Variants in ZNF483 observed in about 807,000 individuals in gnomAD.
ZNF483 encodes zinc finger protein HIT-10.
Under a neutral mutation model 28.6 loss-of-function variants are expected in ZNF483, and 9 were observed. The observed-to-expected ratio is 0.32, with a 90% CI of 0.19 to 0.55. The LOEUF (loss-of-function observed/expected upper bound fraction) is 0.55, where lower values mean the gene tolerates loss of function less well. Ranked by LOEUF, ZNF483 falls within the 20% of genes least tolerant of loss-of-function variation. The probability of loss-of-function intolerance (pLI) is 0.93; values close to 1 mark genes in which losing one functional copy is unlikely to be tolerated. For missense variants in ZNF483, 675 were observed against 871.7 expected, an observed-to-expected ratio of 0.77 and a Z score of 2.84; for synonymous variants, 322 against 306.2, an observed-to-expected ratio of 1.05 and a Z score of -0.54.
chr9:111,541,133 A>T (rs951317601), intron 5 of ZNF483, among the ~76,000 whole-genome samples: 1 of 134,408 alleles, frequency 7.4e-6, no homozygotes. Context: ...TCTGTTGCCT[A>T]GGCTGGAGTG....
rs753416293 is a variant in ZNF483, at chr9:111,542,242, A to G, written c.1307A>G (p.Glu436Gly). The G allele has an allele frequency of 6.2e-7, 1 of 1,614,182 alleles. No homozygotes were observed. Among genetic ancestry groups the G allele is most frequent in the South Asian group, 1.1e-5 (1 of 91,084 alleles). The change falls in exon 6 of 6, where the codon GAA (glutamate) becomes GGA (glycine). Residue 436 changes from glutamate to glycine, a missense_variant. By Grantham distance (98) the Glu-to-Gly change is moderately conservative (BLOSUM62 -2). Coordinates refer to ENST00000309235, the MANE Select transcript of ZNF483 (RefSeq NM_133464.5). This position sits in a 1 kb window ranked among gnomAD's most constrained non-coding sequence, Gnocchi z 6.2. ...AAAGATGAGGGAAATGAGAGTGGAG[A>G]AAAAACTCATAAATGTAGTAAGTGT... ...LNKDEGNESG[E>G]KTHKCSKCGK...
Position 111,544,705 on chromosome 9 carries a change from TAA to T in ZNF483, c.*1536_*1537del, listed in dbSNP as rs1370058913. ...AATTGATACAGAAAAAATTTTCAGT[TAA>T]GTTTTCTTTTGTGAAATTAGACCTC... On this transcript the variant is annotated 3_prime_UTR_variant, in exon 6 of 6. Transcript: ENST00000309235. Among the ~76,000 whole-genome samples the T allele has an allele frequency of 6.6e-6, 1 of 152,166 alleles. No individual in the cohort carries two copies. Among genetic ancestry groups the T allele is most frequent in the Non-Finnish European group, 1.5e-5 (1 of 68,008 alleles).
intron 5 of ZNF483, among the ~76,000 whole-genome samples, chr9:111,541,165 C>G (rs1827661623): frequency 6.6e-6 from 1 of 151,210 alleles, no homozygotes; most frequent in Non-Finnish European, 1.5e-5. Context: ...TCTCGGCTCC[C>G]TGTAACCTCC....
rs2132277055 is a variant in ZNF483 at position 111,550,266 on chromosome 9, C to T, written c.*7096C>T. On this transcript the variant is annotated 3_prime_UTR_variant, in exon 6 of 6. Coordinates refer to ENST00000309235, the MANE Select transcript of ZNF483 (RefSeq NM_133464.5). ...GAAAAACAGGTTTCATCCCTTTTTT[C>T]TCCTGGAAGCCACTTTAGCCAGTTG... Among the ~76,000 whole-genome samples, 1 of 152,026 alleles carries T rather than the reference C, an allele frequency of 6.6e-6. No homozygotes were observed. Among genetic ancestry groups the T allele is most frequent in the Non-Finnish European group, 1.5e-5 (1 of 67,948 alleles).
chr9:111,569,025 G>A (rs930698924), intron 5 of ZNF483, among the ~76,000 whole-genome samples: 5 of 152,224 alleles, frequency 3.3e-5, no homozygotes, highest in Admixed American at 6.5e-5. Context: ...GTATAGAATT[G>A]TTATAACTGA....
rs11999279 is a variant in ZNF483, at chr9:111,544,700, T to C, written c.*1530T>C. Among the ~76,000 whole-genome samples, 1,272 of 152,296 alleles carry C rather than the reference T, an allele frequency of 8.4e-3. 17 individuals carry two copies. The highest frequency in any genetic ancestry group is 0.028 in the African/African-American group (1,171 of 41,564). On this transcript the variant is annotated 3_prime_UTR_variant, in exon 6 of 6. Coordinates refer to ENST00000309235, the MANE Select transcript of ZNF483 (RefSeq NM_133464.5). ...TGTAGAATTGATACAGAAAAAATTT[T>C]CAGTTAAGTTTTCTTTTGTGAAATT...
At chr9:111,566,375 T>C (rs1169501324) in intron 5 of ZNF483, among the ~76,000 whole-genome samples, 1 of 152,188 alleles carries the variant, frequency 6.6e-6, no homozygotes, top group Non-Finnish European at 1.5e-5. Flanking sequence ...AGCTCCCTGG[T>C]GACAGCCCAG....
Position 111,541,688 on chromosome 9 carries a change from G to A in ZNF483, c.753G>A (p.Arg251=), listed in dbSNP as rs756197063. 1 of 1,609,234 alleles carries A rather than the reference G, an allele frequency of 6.2e-7. No individual in the cohort carries two copies. Among genetic ancestry groups the A allele is most frequent in the Non-Finnish European group, 8.5e-7 (1 of 1,178,758 alleles). Residue 251 remains arginine, a synonymous_variant, in exon 6 of 6, where the codon AGG becomes AGA. Coordinates refer to ENST00000309235, the MANE Select transcript of ZNF483 (RefSeq NM_133464.5). ...DESALDKIIE[R]CLRDDDHGLM... is the part of the protein sequence containing the mutation. ...CAGCTTTAGATAAAATAATAGAAAGGTGCCTCAGGGATGATGATCATGGCT... is the reference window on the plus strand; with the variant it reads ...CAGCTTTAGATAAAATAATAGAAAGATGCCTCAGGGATGATGATCATGGCT...
chr9:111,555,970 C>A (rs1448083848), downstream of ZNF483, among the ~76,000 whole-genome samples: 2 of 152,202 alleles, frequency 1.3e-5, no homozygotes, highest in Non-Finnish European at 2.9e-5. Context: ...AAGTCCAAGT[C>A]CAAAGTCTCT....
chr9:111,532,601 T>C (rs1442163746), intron 3 of ZNF483, among the ~76,000 whole-genome samples: 1 of 152,154 alleles, frequency 6.6e-6, no homozygotes, highest in African/African-American at 2.4e-5. Context: ...ACTTCTGGCC[T>C]CCAGAACTGT....
At chr9:111,526,047 C>T (rs963356726) in intron 1 of ZNF483, among the ~76,000 whole-genome samples, 1 of 152,104 alleles carries the variant, frequency 6.6e-6, no homozygotes, top group African/African-American at 2.4e-5. Flanking sequence ...CGTTCCAGCT[C>T]ATTGTAGTTG....
chr9:111,535,879 C>A (rs1018195823), intron 5 of ZNF483, among the ~76,000 whole-genome samples: 5 of 144,554 alleles, frequency 3.5e-5, no homozygotes, highest in Admixed American at 2.8e-4. Flanking sequence ...CTATATCTTA[C>A]AATTTATATA....
chr9:111,564,089 CCTA>C, intron 5 of ZNF483: 1 of 206,488 alleles, frequency 4.8e-6, no homozygotes, highest in Non-Finnish European at 9.7e-6. Flanking sequence ...CAAGGCACAG[CCTA>C]CTAATGGGAA....
chr9:111,530,409 G>A (rs1018803851), intron 2 of ZNF483, among the ~76,000 whole-genome samples: 6 of 152,050 alleles, frequency 3.9e-5, no homozygotes, highest in East Asian at 1.9e-4. Flanking sequence ...AAAGTGTTAC[G>A]TGAGCCACTC....
Position 111,542,377 on chromosome 9 carries a change from C to T in ZNF483, c.1442C>T (p.Ser481Leu), listed in dbSNP as rs149958964. The T allele has an allele frequency of 4.6e-5, 74 of 1,613,822 alleles. No individual in the cohort carries two copies. The African/African-American group carries it at 6.4e-4, about 14-fold the overall frequency. ...GGAAAAGCTTTTAGTGATAGTTCAT[C>T]GCTCACACCACATCATAGAACTCAT... ...ECGKAFSDSS[S>L]LTPHHRTHSG... The change falls in exon 6 of 6, where the codon TCG becomes TTG. Residue 481 changes from serine to leucine, a missense_variant. Ser to Leu is a moderately radical substitution (Grantham distance 145). Coordinates refer to ENST00000309235, the MANE Select transcript of ZNF483 (RefSeq NM_133464.5). This position sits in a 1 kb window ranked among gnomAD's most constrained non-coding sequence, Gnocchi z 6.2.
At position 111,545,269 on chromosome 9, in the gene ZNF483, T is replaced by C. The variant is rs1472880023; in HGVS notation, c.*2099T>C. Reference sequence around the variant, plus strand: ...GTTGTAAGTTTTGTTTTCTGAAAAATATAATTTATAGAAAGTTGAAGAAAT... The same window carrying C: ...GTTGTAAGTTTTGTTTTCTGAAAAACATAATTTATAGAAAGTTGAAGAAAT... On this transcript the variant is annotated 3_prime_UTR_variant, in exon 6 of 6. Coordinates refer to ENST00000309235, the MANE Select transcript of ZNF483 (RefSeq NM_133464.5). Among the ~76,000 whole-genome samples, 2 of 152,174 alleles carry C rather than the reference T, an allele frequency of 1.3e-5. No individual in the cohort carries two copies. The highest frequency in any genetic ancestry group is 4.8e-5 in the African/African-American group (2 of 41,444).
intron 5 of ZNF483, among the ~76,000 whole-genome samples, chr9:111,538,245 C>T (rs572340081): frequency 3.3e-5 from 5 of 151,290 alleles, no homozygotes; most frequent in South Asian, 2.1e-4. Context: ...CTGGGCATGG[C>T]GGCTCCCACC....
intron 1 of ZNF483, 47 bp from the exon 2 acceptor site, chr9:111,527,221 C>A: frequency 1.7e-6 from 1 of 603,602 alleles, no homozygotes; most frequent in Non-Finnish European, 2.7e-6. Flanking sequence ...TTAGGACTAA[C>A]AACAGTTTTT....
At chr9:111,574,635 CT>C in intron 5 of ZNF483, 1 of 685,060 alleles carries the variant, frequency 1.5e-6, no homozygotes, top group South Asian at 2.4e-5. Flanking sequence ...ATATGAAAAT[CT>C]TTCTAATAAT....
Sources: gnomAD v4.1 joint callset for allele counts (sites outside exome capture counted in the v4.1 genomes callset) on GRCh38, gnomAD v4.1.1 for gene constraint, Gnocchi (gnomAD v3.1) non-coding constraint, MANE v1.5 for transcripts, NCBI Gene and HGNC (gene_info 2026-07-23, HGNC 2026-07-21) for gene names.